Variants in WWC2 observed in about 807,000 individuals in gnomAD.
WWC2 encodes the protein WW and C2 domain containing 2.
WWC2 carries 101 observed loss-of-function variants against 138.5 expected under a neutral mutation model. The observed-to-expected ratio is 0.73, with a 90% CI of 0.62 to 0.86. The LOEUF (loss-of-function observed/expected upper bound fraction) is 0.86. Ranked by LOEUF, WWC2 falls within the 40% of genes least tolerant of loss-of-function variation. The pLI, the probability that WWC2 is intolerant of heterozygous loss-of-function variation, is 0.00. For missense variants in WWC2, 1,420 were observed against 1,419.4 expected, an observed-to-expected ratio of 1.00 and a Z score of -0.01; for synonymous variants, 558 against 538.4, an observed-to-expected ratio of 1.04 and a Z score of -0.50.
At chr4:183,117,289 T>G (rs1045628352) in intron 1 of WWC2, among the ~76,000 whole-genome samples, 2 of 150,304 alleles carry the variant, frequency 1.3e-5, no homozygotes, top group African/African-American at 4.9e-5. Flanking sequence ...GGCGTGATCT[T>G]GGCTCACTGC....
intron 1 of WWC2, among the ~76,000 whole-genome samples, chr4:183,142,987 C>A (rs914919428): frequency 2.0e-5 from 3 of 152,112 alleles, no homozygotes; most frequent in African/African-American, 4.8e-5. Context: ...CAGAAATGAA[C>A]AGTGAAATTC....
chr4:183,293,367 C>T, intron 21 of WWC2, among the ~76,000 whole-genome samples: 1 of 152,118 alleles, frequency 6.6e-6, no homozygotes, highest in Non-Finnish European at 1.5e-5. Flanking sequence ...ATTACTTTAA[C>T]AGATTAAGGA....
chr4:183,281,123 T>C, intron 17 of WWC2: 2 of 554,250 alleles, frequency 3.6e-6, no homozygotes, highest in South Asian at 5.0e-5. Flanking sequence ...TGTTCTTGTT[T>C]CGAGTAATTT....
rs1737710252 is a variant in WWC2, at chr4:183,272,024, T to C, written c.2562+783T>C. ...CTGTCTCAAAAAAATGGGGGTTAGG[T>C]TGTAGCCAGCAACCATACTTCAATG... On this transcript the variant is annotated intron_variant, in intron 16 of 22. Coordinates refer to ENST00000403733, the MANE Select transcript of WWC2 (RefSeq NM_024949.6). 2.6e-5 allele frequency among the ~76,000 whole-genome samples: 4 copies of C among 152,212 alleles called. No individual in the cohort carries two copies. The South Asian group carries it at 8.3e-4, about 32-fold the overall frequency.
intron 1 of WWC2, among the ~76,000 whole-genome samples, chr4:183,165,338 C>A (rs1443840930): frequency 3.9e-5 from 6 of 152,124 alleles, no homozygotes; most frequent in Non-Finnish European, 8.8e-5. Flanking sequence ...AAATTCCACC[C>A]TGATAACAAC....
intron 4 of WWC2, among the ~76,000 whole-genome samples, chr4:183,210,938 A>C (rs956024257): frequency 6.6e-6 from 1 of 152,206 alleles, no homozygotes; most frequent in Admixed American, 6.5e-5. Context: ...ATCTCAGTGG[A>C]TACTGCCAGT....
intron 7 of WWC2, among the ~76,000 whole-genome samples, chr4:183,249,546 C>G (rs976773505): frequency 2.0e-4 from 30 of 152,058 alleles, no homozygotes; most frequent in African/African-American, 7.2e-4. Flanking sequence ...AAGCTAAATG[C>G]TAGAAATTAG....
At chr4:183,179,123 A>T (rs538208440) in intron 1 of WWC2, among the ~76,000 whole-genome samples, 2 of 152,172 alleles carry the variant, frequency 1.3e-5, no homozygotes, top group Non-Finnish European at 2.9e-5. Flanking sequence ...TATATTGTTG[A>T]ATGAAAAAAG....
intron 21 of WWC2, among the ~76,000 whole-genome samples, chr4:183,300,251 A>T (rs1029130376): frequency 1.3e-5 from 2 of 151,948 alleles, no homozygotes; most frequent in African/African-American, 4.8e-5. Context: ...CCGGCATCTT[A>T]TCGTGATTCG....
chr4:183,166,772 A>G (rs1734140762), intron 1 of WWC2, among the ~76,000 whole-genome samples: 2 of 152,218 alleles, frequency 1.3e-5, no homozygotes, highest in Admixed American at 6.5e-5. Context: ...AAGGTAGTCA[A>G]TATCATAAGA....
chr4:183,313,031 G>T (rs1739314620), intron 22 of WWC2, among the ~76,000 whole-genome samples: 1 of 152,154 alleles, frequency 6.6e-6, no homozygotes, highest in Non-Finnish European at 1.5e-5. Context: ...GGGGCTGCGG[G>T]CACCAGCAGA....
At chr4:183,247,495 C>T (rs1204244122) in intron 6 of WWC2, among the ~76,000 whole-genome samples, 1 of 140,866 alleles carries the variant, frequency 7.1e-6, no homozygotes, top group African/African-American at 2.8e-5. Flanking sequence ...ACTATATATA[C>T]TATTTATACT....
rs573149662 is a variant in WWC2 at position 183,200,715 on chromosome 4, C to T, written c.241+7007C>T. 2.6e-5 allele frequency among the ~76,000 whole-genome samples: 4 copies of T among 152,278 alleles called. No individual in the cohort carries two copies. In the East Asian group the frequency reaches 5.8e-4, roughly 22 times the overall value. The stretch of plus-strand genomic sequence containing the variant: ...CACAGGCCTCCCTCATTCCATGCCA[C>T]GTGGGCCTCTCCACAGGACAGCTCA... On this transcript the variant is annotated intron_variant, in intron 2 of 22. Coordinates refer to ENST00000403733, the MANE Select transcript of WWC2 (RefSeq NM_024949.6).
chr4:183,180,584 T>C (rs980676252), intron 1 of WWC2, among the ~76,000 whole-genome samples: 7 of 150,060 alleles, frequency 4.7e-5, no homozygotes, highest in Non-Finnish European at 7.4e-5. Flanking sequence ...AAACAATCCA[T>C]ATATCTGTAA....
chr4:183,154,343 C>G (rs61194192), intron 1 of WWC2, among the ~76,000 whole-genome samples: 7,363 of 152,196 alleles, frequency 0.048, 602 homozygotes, highest in African/African-American at 0.17. Context: ...TTATTATGAG[C>G]ATCCAGCGAT....
intron 1 of WWC2, among the ~76,000 whole-genome samples, chr4:183,124,223 A>G (rs1732689386): frequency 1.3e-5 from 2 of 152,108 alleles, no homozygotes; most frequent in Admixed American, 6.5e-5. Context: ...TCAGTTTGGT[A>G]TTTACATTTT....
chr4:183,292,953 CTTTGG>C (rs890520986), intron 21 of WWC2, among the ~76,000 whole-genome samples: 8 of 152,124 alleles, frequency 5.3e-5, no homozygotes, highest in African/African-American at 1.9e-4. Flanking sequence ...GTTTTGTTTT[CTTTGG>C]TTTGGTTTTT....
intron 11 of WWC2, 23 bp downstream of exon 11, chr4:183,261,555 A>G (rs996003723): frequency 1.3e-6 from 2 of 1,591,506 alleles, no homozygotes; most frequent in Admixed American, 1.8e-5. Flanking sequence ...CTTTGCTTTC[A>G]TGTATTCCCT....
intron 18 of WWC2, among the ~76,000 whole-genome samples, chr4:183,283,584 A>G (rs182991905): frequency 3.4e-4 from 52 of 152,346 alleles, no homozygotes; most frequent in African/African-American, 1.3e-3. Context: ...TTTGGAATCA[A>G]ATTATACCTA....
Sources: allele counts gnomAD v4.1 joint callset (sites outside exome capture counted in the v4.1 genomes callset), GRCh38; gene constraint gnomAD v4.1.1; transcripts MANE v1.5; gene names NCBI Gene and HGNC (gene_info 2026-07-23, HGNC 2026-07-21).